Variants in CPAP observed in about 807,000 individuals in gnomAD.
CPAP encodes the protein centrosome assembly and centriole elongation protein, also known as centrosomal P4.1-associated protein.
At chr13:24,894,668 A>G in the CPAP span, among the ~76,000 whole-genome samples, 131,202 of 152,200 alleles carry the variant, frequency 0.86, 56,612 homozygotes, top group East Asian at 0.9. Flanking sequence ...AATGCCAGCC[A>G]GCGGTAAGGA....
At chr13:24,891,981 G>A in the CPAP span, among the ~76,000 whole-genome samples, 13 of 152,080 alleles carry the variant, frequency 8.5e-5, no homozygotes, top group African/African-American at 2.9e-4. Flanking sequence ...CCACCCAGAC[G>A]GCGACGCCAC....
the CPAP span, among the ~76,000 whole-genome samples, chr13:24,921,491 AGGGG>A: frequency 0.19 from 29,195 of 152,158 alleles, 2,975 homozygotes; most frequent in South Asian, 0.33. Flanking sequence ...AGGTTAATAC[AGGGG>A]GTGGATACAC....
At chr13:24,927,336 A>G in the CPAP span, among the ~76,000 whole-genome samples, 1 of 152,216 alleles carries the variant, frequency 6.6e-6, no homozygotes, top group African/African-American at 2.4e-5. Context: ...CAACAAACCC[A>G]TGAATTAATT....
At chr13:24,882,517 A>G in the CPAP span, 1 of 152,336 alleles carries the variant, frequency 6.6e-6, no homozygotes, top group African/African-American at 2.4e-5. Flanking sequence ...GCTGTGGTCC[A>G]TGGGTTAACA....
chr13:24,923,521 T>C, the CPAP span, among the ~76,000 whole-genome samples: 1 of 152,164 alleles, frequency 6.6e-6, no homozygotes, highest in Non-Finnish European at 1.5e-5. Flanking sequence ...TTCAAGAAAT[T>C]TTTTTGTTTT....
the CPAP span, among the ~76,000 whole-genome samples, chr13:24,899,244 A>C: frequency 6.6e-6 from 1 of 152,174 alleles, no homozygotes; most frequent in Non-Finnish European, 1.5e-5. Context: ...CTACTCTTTA[A>C]AAGTCAGACT....
chr13:24,882,284 CAA>C, the CPAP span: 1 of 147,044 alleles, frequency 6.8e-6, no homozygotes, highest in Non-Finnish European at 1.5e-5. Context: ...TTATATTCTT[CAA>C]AAAGTTTTAT....
the CPAP span, chr13:24,884,259 C>T: frequency 5.1e-5 from 83 of 1,614,008 alleles, no homozygotes; most frequent in African/African-American, 1.0e-3. Context: ...TAAAGACACA[C>T]AGTCAGTCTG....
the CPAP span, among the ~76,000 whole-genome samples, chr13:24,916,023 T>A: frequency 6.6e-6 from 1 of 151,946 alleles, no homozygotes; most frequent in African/African-American, 2.4e-5. Flanking sequence ...AAACCTTGAG[T>A]GGAGAGGATG....
the CPAP span, chr13:24,892,813 T>C: frequency 6.2e-7 from 1 of 1,613,784 alleles, no homozygotes; most frequent in East Asian, 2.2e-5. Flanking sequence ...CTTGACCATT[T>C]GGTTTCCTTT....
the CPAP span, among the ~76,000 whole-genome samples, chr13:24,887,247 T>C: frequency 2.0e-5 from 3 of 152,134 alleles, no homozygotes; most frequent in African/African-American, 7.2e-5. Context: ...AAGATACTGA[T>C]TTGCAATTTA....
chr13:24,923,117 A>G, the CPAP span, among the ~76,000 whole-genome samples: 1 of 152,216 alleles, frequency 6.6e-6, no homozygotes. Context: ...AGGCTCCCAC[A>G]CTTAGAAAAC....
the CPAP span, among the ~76,000 whole-genome samples, chr13:24,915,311 C>G: frequency 4.5e-4 from 68 of 152,128 alleles, no homozygotes; most frequent in South Asian, 3.5e-3. Flanking sequence ...AATCAGAGAC[C>G]AAGAGTTGAA....
At chr13:24,888,578 T>TA in the CPAP span, among the ~76,000 whole-genome samples, 14 of 151,826 alleles carry the variant, frequency 9.2e-5, no homozygotes, top group South Asian at 2.1e-4. Context: ...CTGCTGACAG[T>TA]AAAAAAAACT....
At chr13:24,908,210 A>G in the CPAP span, 1 of 940,636 alleles carries the variant, frequency 1.1e-6, no homozygotes, top group Non-Finnish European at 1.7e-6. Flanking sequence ...TTACTATGCT[A>G]AAACATTTTT....
chr13:24,915,602 G>A, the CPAP span, among the ~76,000 whole-genome samples: 6,723 of 152,196 alleles, frequency 0.044, 468 homozygotes, highest in African/African-American at 0.15. Flanking sequence ...TCAGGAGTTC[G>A]AGACCAGTCT....
chr13:24,886,634 T>A, the CPAP span, among the ~76,000 whole-genome samples: 1 of 152,012 alleles, frequency 6.6e-6, no homozygotes, highest in Admixed American at 6.5e-5. Context: ...ATAGCAGGAG[T>A]GCTCTGTTTG....
At chr13:24,902,413 T>C in the CPAP span, among the ~76,000 whole-genome samples, 2 of 152,200 alleles carry the variant, frequency 1.3e-5, no homozygotes, top group African/African-American at 2.4e-5. Context: ...ATAACTACTA[T>C]GATAAGCATA....
At chr13:24,926,060 C>T in the CPAP span, among the ~76,000 whole-genome samples, 6 of 152,180 alleles carry the variant, frequency 3.9e-5, no homozygotes, top group Non-Finnish European at 7.3e-5. Context: ...TGCATATCTG[C>T]GTCTGAGTAC....
Sources: allele counts gnomAD v4.1 joint callset (sites outside exome capture counted in the v4.1 genomes callset), GRCh38; gene constraint gnomAD v4.1.1; transcripts MANE v1.5; gene names NCBI Gene and HGNC (gene_info 2026-07-23, HGNC 2026-07-21).